The following ANLN variants were observed in gnomAD, a reference collection of about 807,000 sequenced individuals.
The protein encoded by ANLN is anillin.
Under a neutral mutation model 135.1 loss-of-function variants are expected in ANLN, and 59 were observed. That is an observed-to-expected ratio of 0.44 (90% confidence interval 0.35 to 0.54). The LOEUF (loss-of-function observed/expected upper bound fraction) is 0.54. ANLN is among the 20% of genes least tolerant of loss of function. ANLN has a pLI of 0.00. For synonymous variants in ANLN, 406 were observed against 456.4 expected (o/e 0.89, Z 1.41); for missense variants, 1,182 against 1,340.0 (o/e 0.88, Z 1.84).
intron 13 of ANLN, 95 bp from the exon 14 acceptor site, chr7:36,422,538 A>T: frequency 9.1e-7 from 1 of 1,097,490 alleles, no homozygotes; most frequent in Non-Finnish European, 1.3e-6. Context: ...CTTCGCTGTT[A>T]CGTACAGTTT....
At chr7:36,390,118 C>T (rs755322864) in intron 1 of ANLN, 74 bp downstream of exon 1, 5 of 1,605,862 alleles carry the variant, frequency 3.1e-6, no homozygotes, top group African/African-American at 1.3e-5. Context: ...CTGTCAACCT[C>T]TGGGCGAACC....
intron 1 of ANLN, among the ~76,000 whole-genome samples, chr7:36,393,224 G>A (rs961635300): frequency 6.6e-6 from 1 of 151,950 alleles, no homozygotes; most frequent in African/African-American, 2.4e-5. Context: ...GGGTTTCACC[G>A]TGTTTGCCAA....
chr7:36,440,583 A>G (rs887680884), intron 21 of ANLN, among the ~76,000 whole-genome samples: 40 of 152,112 alleles, frequency 2.6e-4, no homozygotes, highest in African/African-American at 9.2e-4. Flanking sequence ...TTTTGTTAAG[A>G]TGGGAGAGAC....
Position 36,422,007 on chromosome 7 carries a change from C to G in ANLN, c.2299+15C>G. 1 of 1,600,220 alleles carries G rather than the reference C, an allele frequency of 6.2e-7. No homozygotes were observed. Among genetic ancestry groups the G allele is most frequent in the Non-Finnish European group, 8.5e-7 (1 of 1,175,988 alleles). On this transcript the variant is annotated intron_variant, in intron 13 of 23. Transcript: ENST00000265748. ...TCTAATTGCAAGTAAGTGTGATGCA[C>G]CTGAAAGAGTTCCAACAAATTTCTA...
At chr7:36,450,762 A>T (rs989475904) in intron 23 of ANLN, among the ~76,000 whole-genome samples, 2 of 152,170 alleles carry the variant, frequency 1.3e-5, no homozygotes, top group Admixed American at 6.6e-5. Flanking sequence ...ATTTTGTTTG[A>T]TAGCGACGTG....
At chr7:36,403,530 G>A (rs542257415) in intron 3 of ANLN, 4 of 152,368 alleles carry the variant, frequency 2.6e-5, no homozygotes, top group African/African-American at 9.6e-5. Context: ...TAGTGACAAT[G>A]GCAAAACCAA....
At chr7:36,450,198 T>G (rs1368236621) in intron 23 of ANLN, among the ~76,000 whole-genome samples, 1 of 152,212 alleles carries the variant, frequency 6.6e-6, no homozygotes, top group Admixed American at 6.5e-5. Flanking sequence ...ATTCCCAGAA[T>G]ACCCTCGTGT....
At chr7:36,419,533 C>A in intron 10 of ANLN, 54 bp downstream of exon 10, 16 of 1,423,250 alleles carry the variant, frequency 1.1e-5, no homozygotes, top group Non-Finnish European at 1.5e-5. Context: ...AAGTAGTATT[C>A]GTATCTCCCC....
In ANLN at chr7:36,449,914, T is replaced by C. The variant is rs549427454; in HGVS notation, c.3251+77T>C. 6.4e-6 allele frequency: 9 copies of C among 1,409,494 alleles called. No individual in the cohort carries two copies. The South Asian group carries it at 1.2e-4, about 19-fold the overall frequency. 87.3% of individuals were successfully genotyped at this position (1,409,494 alleles called of 1,614,324 possible). On this transcript the variant is annotated intron_variant, in intron 23 of 23. Transcript: ENST00000265748. ...TATGTACTTACCACTATGAGAAATA[T>C]CACAGATGGTCCTTGACGTTGAAAA...
intron 20 of ANLN, among the ~76,000 whole-genome samples, chr7:36,435,733 C>T (rs1353191112): frequency 1.3e-5 from 2 of 150,416 alleles, no homozygotes; most frequent in South Asian, 2.1e-4. Flanking sequence ...ATTAGCCGGG[C>T]GTGGTAGCGG....
chr7:36,441,130 C>G (rs576757828), intron 21 of ANLN, among the ~76,000 whole-genome samples: 24 of 152,114 alleles, frequency 1.6e-4, no homozygotes, highest in African/African-American at 5.8e-4. Flanking sequence ...CAGTATTTGC[C>G]TAATGACCTT....
intron 5 of ANLN, among the ~76,000 whole-genome samples, chr7:36,409,899 T>C (rs1485605272): frequency 1.3e-5 from 2 of 152,138 alleles, no homozygotes; most frequent in Admixed American, 6.5e-5. Context: ...CTCGAACTCC[T>C]GAGCTCAAGA....
chr7:36,401,594 C>T (rs1488898414), intron 3 of ANLN, among the ~76,000 whole-genome samples: 1 of 131,600 alleles, frequency 7.6e-6, no homozygotes, highest in African/African-American at 3.0e-5. Flanking sequence ...CTGCCGCGGC[C>T]TCCCAAAGTG....
Position 36,421,943 on chromosome 7 carries a change from A to G in ANLN, c.2250A>G (p.Gly750=). 6.2e-7 allele frequency: 1 copy of G among 1,613,312 alleles called. No individual in the cohort carries two copies. The highest frequency in any genetic ancestry group is 2.2e-5 in the East Asian group (1 of 44,800). ...ALNCCVDEEH[G]KGSLEEAEAE... Reference sequence around the variant, plus strand: ...ACTGCTGTGTTGATGAAGAACATGGAAAAGGGTCCCTAGAAGAAGCTGAAG... The same window carrying G: ...ACTGCTGTGTTGATGAAGAACATGGGAAAGGGTCCCTAGAAGAAGCTGAAG... Residue 750 remains glycine (G), a synonymous_variant, in exon 13 of 24, where the codon GGA becomes GGG. Coordinates refer to ENST00000265748, the MANE Select transcript of ANLN (RefSeq NM_018685.5).
intron 12 of ANLN, 41 bp downstream of exon 12, chr7:36,420,785 C>A: frequency 1.2e-6 from 2 of 1,605,026 alleles, no homozygotes; most frequent in Non-Finnish European, 1.7e-6. Flanking sequence ...ATGTTTCTTG[C>A]ACTAGGCTGT....
At chr7:36,405,968 A>G (rs1482567864) in intron 3 of ANLN, among the ~76,000 whole-genome samples, 1 of 152,200 alleles carries the variant, frequency 6.6e-6, no homozygotes, top group Non-Finnish European at 1.5e-5. Flanking sequence ...AATAGATCTA[A>G]TAGTTTTTTT....
At chr7:36,452,204 A>T (rs1789272671) in intron 23 of ANLN, among the ~76,000 whole-genome samples, 1 of 152,216 alleles carries the variant, frequency 6.6e-6, no homozygotes, top group Non-Finnish European at 1.5e-5. Context: ...CCCAGGCCGC[A>T]CACTACCTGT....
chr7:36,439,461 CA>C (rs1487287458), intron 21 of ANLN, among the ~76,000 whole-genome samples, 171 bp downstream of exon 21: 2 of 152,140 alleles, frequency 1.3e-5, no homozygotes, highest in African/African-American at 4.8e-5. Flanking sequence ...TGTAAAAGAC[CA>C]CAAAAAATAA....
rs573035046 is a variant in ANLN at position 36,431,494 on chromosome 7, A to G, written c.2883+4466A>G. Among the ~76,000 whole-genome samples the G allele has an allele frequency of 1.3e-4, 19 of 150,332 alleles. No homozygotes were observed. The South Asian group carries it at 3.8e-3, about 30-fold the overall frequency. ...CCTTTCTATCTTGACTCAGAAGTCA[A>G]TGTTACTTTAGATATCTGTCTATCT... is the stretch of plus-strand genomic sequence containing the variant. On this transcript the variant is annotated intron_variant, in intron 20 of 23. Transcript: ENST00000265748.
Sources: allele counts gnomAD v4.1 joint callset (sites outside exome capture counted in the v4.1 genomes callset), GRCh38; gene constraint gnomAD v4.1.1; transcripts MANE v1.5; gene names NCBI Gene and HGNC (gene_info 2026-07-23, HGNC 2026-07-21).